The following ZNF76 variants were observed in gnomAD, a reference collection of about 807,000 sequenced individuals.
The protein encoded by ZNF76 is zinc finger protein 523.
A neutral mutation model predicts 66.9 loss-of-function variants in ZNF76; 66 were observed. The ratio of observed to expected loss-of-function variants is 0.99; its 90% CI spans 0.81 to 1.21. The LOEUF is 1.21. ZNF76 is among the 50% of genes most tolerant of loss of function. The pLI is 0.00. For missense variants in ZNF76, 729 were observed against 760.3 expected, an observed-to-expected ratio of 0.96 and a Z score of 0.48; for synonymous variants, 275 against 296.1, an observed-to-expected ratio of 0.93 and a Z score of 0.73.
Position 35,291,559 on chromosome 6 carries a change from T to G in ZNF76, c.753T>G (p.Gly251=). ...CCTCACATCCCACCATTTGCATAGGTGAACGCCCGTTCCAGTGCCCTTTTG... is the reference window on the plus strand; with the variant it reads ...CCTCACATCCCACCATTTGCATAGGGGAACGCCCGTTCCAGTGCCCTTTTG... The part of the protein sequence containing the change: ...DLQKHVRTHT[G]ERPFQCPFEG... The change falls in exon 9 of 14, where the codon GGT becomes GGG. Residue 251 remains glycine (G), a splice_region_variant and synonymous_variant. Transcript: ENST00000373953. The G allele has an allele frequency of 6.2e-7, 1 of 1,612,610 alleles. No homozygotes were observed. The highest frequency in any genetic ancestry group is 8.5e-7 in the Non-Finnish European group (1 of 1,178,794).
At chr6:35,276,791 GTTTTTTTTT>G (rs10571257) in intron 1 of ZNF76, among the ~76,000 whole-genome samples, 126 of 97,048 alleles carry the variant, frequency 1.3e-3, no homozygotes, top group African/African-American at 4.5e-3. Context: ...TTATTTATGG[GTTTTTTTTT>G]TTTTTTTTTT....
chr6:35,270,941 C>T (rs1786961671), intron 1 of ZNF76, among the ~76,000 whole-genome samples: 1 of 152,180 alleles, frequency 6.6e-6, no homozygotes, highest in Admixed American at 6.5e-5. Context: ...AAGATCACAC[C>T]ACTGCACTCC....
At chr6:35,291,511 A>G (rs757645939) in intron 8 of ZNF76, 47 bp from the exon 9 acceptor site, 18 of 1,607,060 alleles carry the variant, frequency 1.1e-5, no homozygotes, top group South Asian at 1.1e-5. Context: ...TTGCTCCAGC[A>G]TGGCCCTCTT....
At chr6:35,260,658 C>A (rs1172333178) in intron 1 of ZNF76, among the ~76,000 whole-genome samples, 1 of 152,062 alleles carries the variant, frequency 6.6e-6, no homozygotes, top group Non-Finnish European at 1.5e-5. Flanking sequence ...GTGTGTGGTC[C>A]CAGCTCTGTC....
chr6:35,292,375 G>A lies in ZNF76; in HGVS notation c.932-179G>A. 1.5e-6 allele frequency: 1 copy of A among 659,008 alleles called. No individual in the cohort carries two copies. Among genetic ancestry groups the A allele is most frequent in the Non-Finnish European group, 2.7e-6 (1 of 366,104 alleles). 40.8% of individuals were successfully genotyped at this position (659,008 alleles called of 1,614,324 possible). On this transcript the variant is annotated intron_variant, in intron 9 of 13. Coordinates refer to ENST00000373953, the MANE Select transcript of ZNF76 (RefSeq NM_003427.5). The surrounding 1 kb of genome is among the most constrained non-coding windows in gnomAD (Gnocchi z 4.7). ...CTCTGGATTCAGTGGTTCAACACCT[G>A]TGTCCTCTCTGTGTTCCACTGGCCA... is the stretch of plus-strand genomic sequence containing the variant.
chr6:35,278,456 C>T (rs1306502140), intron 1 of ZNF76, among the ~76,000 whole-genome samples: 4 of 152,230 alleles, frequency 2.6e-5, no homozygotes, highest in African/African-American at 7.2e-5. Context: ...GTCAAAGCCC[C>T]AGTTGGTCGC....
At chr6:35,271,669 CAAAAAAAAAA>C (rs1248714563) in intron 1 of ZNF76, among the ~76,000 whole-genome samples, 2 of 100,610 alleles carry the variant, frequency 2.0e-5, no homozygotes, top group Admixed American at 1.0e-4. Flanking sequence ...GACTCCGTCT[CAAAAAAAAAA>C]AAAAAGAAAA....
Position 35,293,003 on chromosome 6 carries a change from G to C in ZNF76, c.1288G>C (p.Ala430Pro), listed in dbSNP as rs768644190. 3.1e-6 allele frequency: 5 copies of C among 1,614,116 alleles called. No individual in the cohort carries two copies. The highest frequency in any genetic ancestry group is 4.2e-6 in the Non-Finnish European group (5 of 1,180,022). The change falls in exon 11 of 14, where the codon GCC (alanine) becomes CCC (proline). Residue 430 changes from alanine (A) to proline (P), a missense_variant. Transcript: ENST00000373953. ...QVAMVTEEDG[A>P]PQVALITQDG... ...GGCGATGGTGACTGAAGAAGATGGGGCCCCCCAGGTGGCTCTGATCACTCA... is the reference window on the plus strand; with the variant it reads ...GGCGATGGTGACTGAAGAAGATGGGCCCCCCCAGGTGGCTCTGATCACTCA...
chr6:35,278,864 G>A (rs1434830326), intron 1 of ZNF76, among the ~76,000 whole-genome samples: 1 of 152,222 alleles, frequency 6.6e-6, no homozygotes, highest in African/African-American at 2.4e-5. Flanking sequence ...AGGATGTGTG[G>A]AGAGCCCACA....
rs187715458 is a variant in ZNF76 at position 35,269,078 on chromosome 6, C to T, written c.-97+9237C>T. 8.6e-5 allele frequency among the ~76,000 whole-genome samples: 13 copies of T among 151,738 alleles called. No homozygotes were observed. In the East Asian group the frequency reaches 2.5e-3, roughly 30 times the overall value. On this transcript the variant is annotated intron_variant, in intron 1 of 13. Transcript: ENST00000373953. ...GGTGGTTCACCTGAGGTCAGGAGTT[C>T]GAGACCAGCTTGGCAAACATGGTAA...
intron 1 of ZNF76, among the ~76,000 whole-genome samples, chr6:35,267,819 C>G (rs754458449): frequency 6.6e-6 from 1 of 152,170 alleles, no homozygotes; most frequent in East Asian, 1.9e-4. Context: ...AGATGGTAAT[C>G]CCGATGAGGG....
chr6:35,291,036 T>G, intron 7 of ZNF76: 1 of 602,186 alleles, frequency 1.7e-6, no homozygotes, highest in Non-Finnish European at 2.9e-6. Context: ...AACTAGTACC[T>G]TTAGCCATGA....
At chr6:35,275,807 G>A (rs146362918) in intron 1 of ZNF76, among the ~76,000 whole-genome samples, 1 of 152,342 alleles carries the variant, frequency 6.6e-6, no homozygotes, top group East Asian at 1.9e-4. Context: ...TTTGGGAAGT[G>A]TGGCTACCAG....
intron 5 of ZNF76, chr6:35,288,067 T>C (rs1011468015): frequency 2.9e-6 from 2 of 698,012 alleles, no homozygotes; most frequent in African/African-American, 1.7e-5. Flanking sequence ...GCCTGGCCGC[T>C]GACAGCTGTT....
At chr6:35,272,503 GTGTGTGTGTA>G (rs1787243882) in intron 1 of ZNF76, among the ~76,000 whole-genome samples, 1 of 71,800 alleles carries the variant, frequency 1.4e-5, no homozygotes, top group Non-Finnish European at 3.4e-5. Flanking sequence ...GTGTGTGTGT[GTGTGTGTGTA>G]TGTATATGCA....
At chr6:35,283,905 G>A (rs1789143132) in intron 2 of ZNF76, among the ~76,000 whole-genome samples, 1 of 152,078 alleles carries the variant, frequency 6.6e-6, no homozygotes, top group African/African-American at 2.4e-5. Context: ...GTTAGTTGTA[G>A]GACTGTTAGT....
chr6:35,293,193 C>A, intron 11 of ZNF76, 149 bp downstream of exon 11: 1 of 922,050 alleles, frequency 1.1e-6, no homozygotes, highest in Non-Finnish European at 1.6e-6. Flanking sequence ...GCTGAGGAGA[C>A]CACATCTTGC....
chr6:35,267,389 A>G (rs932050490), intron 1 of ZNF76, among the ~76,000 whole-genome samples: 5 of 152,150 alleles, frequency 3.3e-5, no homozygotes, highest in African/African-American at 1.2e-4. Flanking sequence ...GAGTCACCAC[A>G]CCCAGCCAAA....
At chr6:35,283,369 G>A (rs1194302086) in intron 2 of ZNF76, among the ~76,000 whole-genome samples, 1 of 152,224 alleles carries the variant, frequency 6.6e-6, no homozygotes, top group Admixed American at 6.5e-5. Flanking sequence ...CTTCTCCTCT[G>A]AAGCTTTTGA....
Sources: gnomAD v4.1 joint callset for allele counts (sites outside exome capture counted in the v4.1 genomes callset) on GRCh38, gnomAD v4.1.1 for gene constraint, Gnocchi (gnomAD v3.1) non-coding constraint, MANE v1.5 for transcripts, NCBI Gene and HGNC (gene_info 2026-07-23, HGNC 2026-07-21) for gene names.